Variants in HYDIN observed in about 807,000 individuals in gnomAD.
HYDIN encodes HYDIN axonemal central pair apparatus protein.
In HYDIN, 132 loss-of-function variants were observed where a neutral mutation model predicts 403.9. That is an observed-to-expected ratio of 0.33 (90% CI 0.28 to 0.38). HYDIN has a LOEUF of 0.38. Ranked by LOEUF, HYDIN falls within the 10% of genes least tolerant of loss-of-function variation. The pLI is 1.00. For synonymous variants in HYDIN, 1,202 were observed against 1,891.7 expected (o/e 0.64, Z 9.46); for missense variants, 2,827 against 5,009.5 (o/e 0.56, Z 13.15).
Position 70,833,915 on chromosome 16 carries a change from T to C in HYDIN, c.13651A>G (p.Met4551Val), listed in dbSNP as rs374868182. 1.1e-5 allele frequency: 18 copies of C among 1,613,486 alleles called. No individual in the cohort carries two copies. The highest frequency in any genetic ancestry group is 1.7e-4 in the Middle Eastern group (1 of 5,864). ...YQTQATRRIL[M>V]MNTGDVGARF... ...GCACCCACATCGCCTGTGTTCATCA[T>C]GAGGATGCGACGTGTGGCTTGCGTC... Residue 4551 changes from methionine (M) to valine (V), a missense_variant, in exon 79 of 86, where the codon ATG becomes GTG. Met to Val is a conservative substitution (Grantham distance 21). Transcript: ENST00000393567.
intron 36 of HYDIN, among the ~76,000 whole-genome samples, chr16:70,968,504 T>A (rs1039775826): frequency 4.6e-5 from 7 of 151,006 alleles, no homozygotes; most frequent in Admixed American, 4.6e-4. Context: ...GCCAGGAAGG[T>A]ATCAATGGAG....
At chr16:70,881,791 A>G (rs2040825483) in intron 60 of HYDIN, among the ~76,000 whole-genome samples, 2 of 152,226 alleles carry the variant, frequency 1.3e-5, no homozygotes, top group African/African-American at 4.8e-5. Context: ...ACCACCCTCA[A>G]CTGTGAACAA....
intron 47 of HYDIN, among the ~76,000 whole-genome samples, chr16:70,911,677 T>C (rs897631317): frequency 3.3e-5 from 5 of 152,172 alleles, no homozygotes; most frequent in East Asian, 1.9e-4. Flanking sequence ...GGAAATTGCA[T>C]TGAATTTGTA....
intron 36 of HYDIN, 37 bp from the exon 37 acceptor site, chr16:70,964,933 C>A (rs2078527867): frequency 1.2e-6 from 2 of 1,601,222 alleles, no homozygotes; most frequent in Non-Finnish European, 1.7e-6. Flanking sequence ...GTTGGTCTCA[C>A]TAGAAATCTC....
chr16:71,154,380 T>C lies in HYDIN; in HGVS notation c.717-1597A>G, dbSNP rs1322111501. 2.3e-5 allele frequency among the ~76,000 whole-genome samples: 3 copies of C among 130,916 alleles called. No homozygotes were observed. In the Admixed American group the frequency reaches 2.4e-4, roughly 10 times the overall value. The allele number at this position is 130,916 out of a possible 152,430, so 85.9% of individuals were successfully genotyped here. A position where few individuals can be genotyped will look rare whatever the true frequency, so the allele number is the denominator to read the frequency against. ...TCCCATCATGGAGAATGCATATCCA[T>C]CCCCTCAAGCATTTGTCCTTTGTGT... On this transcript the variant is annotated intron_variant, in intron 6 of 85. Coordinates refer to ENST00000393567, the MANE Select transcript of HYDIN (RefSeq NM_001270974.2).
At chr16:71,023,330 T>C (rs1343268231) in intron 21 of HYDIN, among the ~76,000 whole-genome samples, 4 of 151,704 alleles carry the variant, frequency 2.6e-5, no homozygotes, top group Non-Finnish European at 4.4e-5. Context: ...ATGGATATTT[T>C]ATTTTATTTT....
chr16:71,193,230 T>A (rs2087524303), intron 1 of HYDIN, among the ~76,000 whole-genome samples: 1 of 152,240 alleles, frequency 6.6e-6, no homozygotes, highest in Admixed American at 6.5e-5. Context: ...ATTGCATTTA[T>A]TAAAAGAGAA....
At chr16:70,834,860 A>C (rs961398143) in intron 78 of HYDIN, among the ~76,000 whole-genome samples, 15 of 139,228 alleles carry the variant, frequency 1.1e-4, no homozygotes, top group Admixed American at 7.2e-4. Flanking sequence ...AAAAAACCAA[A>C]CAAACATATA....
In HYDIN at chr16:71,031,856, T is replaced by A; in HGVS notation, c.2591A>T (p.Asp864Val). 8.4e-7 allele frequency: 1 copy of A among 1,188,990 alleles called. No homozygotes were observed. Among genetic ancestry groups the A allele is most frequent in the Non-Finnish European group, 1.2e-6 (1 of 800,670 alleles). The allele number at this position is 1,188,990 out of a possible 1,614,324, so 73.7% of individuals were successfully genotyped here. A position where few individuals can be genotyped will look rare whatever the true frequency, so the allele number is the denominator to read the frequency against. Residue 864 changes from aspartate (D) to valine (V), a missense_variant, in exon 19 of 86, where the codon GAT (aspartate) becomes GTT (valine). By Grantham distance (152) the Asp-to-Val change is radical. Coordinates refer to ENST00000393567, the MANE Select transcript of HYDIN (RefSeq NM_001270974.2). ...GTTGGCGGTCAGTGCCAGTTGAACA[T>A]CAGTTTCTGGAGGAACCATGCCTTC... ...PNEGMVPPETDVQLALTANLN... is the reference protein window; with the variant it reads ...PNEGMVPPETVVQLALTANLN...
rs1275490072 is a variant in HYDIN at position 70,805,149 on chromosome 16, C to A, written c.*2431G>T. Among the ~76,000 whole-genome samples the A allele has an allele frequency of 1.3e-5, 2 of 152,224 alleles. No individual in the cohort carries two copies. The highest frequency in any genetic ancestry group is 2.9e-5 in the Non-Finnish European group (2 of 68,044). ...GGCACATTTTGGGGAGGGTTAATTTCATCAACTAGGTCCTATGCAGATTTG... is the reference window on the plus strand; with the variant it reads ...GGCACATTTTGGGGAGGGTTAATTTAATCAACTAGGTCCTATGCAGATTTG... On this transcript the variant is annotated 3_prime_UTR_variant, in exon 86 of 86. Transcript: ENST00000393567.
intron 23 of HYDIN, among the ~76,000 whole-genome samples, chr16:70,993,156 AC>A (rs2079414921): frequency 6.6e-6 from 1 of 152,106 alleles, no homozygotes; most frequent in South Asian, 2.1e-4. Flanking sequence ...TTTCATCTGC[AC>A]TTCTTTTAGG....
chr16:71,166,990 G>A (rs1376443048), intron 5 of HYDIN, among the ~76,000 whole-genome samples: 5 of 149,940 alleles, frequency 3.3e-5, no homozygotes, highest in African/African-American at 7.3e-5. Context: ...GCTTGAACCC[G>A]GGAGATGGAG....
chr16:71,092,518 ATAGT>A (rs918104694), intron 11 of HYDIN, among the ~76,000 whole-genome samples: 14 of 152,210 alleles, frequency 9.2e-5, no homozygotes, highest in Non-Finnish European at 1.0e-4. Context: ...TGAAATGGAA[ATAGT>A]TAATCGTACC....
At chr16:71,171,650 C>G (rs1253306373) in intron 5 of HYDIN, among the ~76,000 whole-genome samples, 1 of 152,134 alleles carries the variant, frequency 6.6e-6, no homozygotes. Flanking sequence ...ATGGATGTGA[C>G]TATCTGGAAA....
chr16:71,031,395 T>C (rs915537121), intron 19 of HYDIN: 93 of 1,242,192 alleles, frequency 7.5e-5, no homozygotes, highest in Non-Finnish European at 9.2e-5. Flanking sequence ...AGAGTCTAAA[T>C]TAATCACAGA....
intron 18 of HYDIN, among the ~76,000 whole-genome samples, chr16:71,038,935 A>G (rs1175503667): frequency 1.3e-5 from 2 of 152,168 alleles, no homozygotes; most frequent in African/African-American, 2.4e-5. Context: ...CTGGGATTAC[A>G]GGCCCTTTCT....
chr16:70,915,406 T>C (rs1272061647), intron 47 of HYDIN, among the ~76,000 whole-genome samples: 1 of 151,480 alleles, frequency 6.6e-6, no homozygotes, highest in Non-Finnish European at 1.5e-5. Flanking sequence ...GATGGTTATC[T>C]CTCTTCTGGG....
intron 84 of HYDIN, among the ~76,000 whole-genome samples, chr16:70,811,714 G>A (rs2035515487): frequency 6.6e-6 from 1 of 151,906 alleles, no homozygotes; most frequent in Non-Finnish European, 1.5e-5. Context: ...AAAATTAGCT[G>A]GGCGTGGTGG....
intron 12 of HYDIN, among the ~76,000 whole-genome samples, chr16:71,087,039 T>C (rs2082950187): frequency 6.6e-6 from 1 of 151,550 alleles, no homozygotes. Context: ...AACCCTCATT[T>C]TTCTCTTATA....
Sources: allele counts gnomAD v4.1 joint callset (sites outside exome capture counted in the v4.1 genomes callset), GRCh38; gene constraint gnomAD v4.1.1; transcripts MANE v1.5; gene names NCBI Gene and HGNC (gene_info 2026-07-23, HGNC 2026-07-21).